Variants in WDPCP observed in about 807,000 individuals in gnomAD.
The protein encoded by WDPCP is WD repeat containing planar cell polarity effector.
Under a neutral mutation model 93.1 loss-of-function variants are expected in WDPCP, and 71 were observed. The observed-to-expected ratio is 0.76, with a 90% CI of 0.63 to 0.93. WDPCP has a LOEUF of 0.93. Among genes scored for constraint, WDPCP ranks in the 40% least tolerant of loss-of-function variants. WDPCP has a pLI of 0.00. For synonymous variants in WDPCP, 315 were observed against 315.0 expected (o/e 1.00, Z 0.00); for missense variants, 844 against 887.4 (o/e 0.95, Z 0.62).
rs1254472094 is a variant in WDPCP at position 63,338,560 on chromosome 2, AAAAAAAAAAATAT to A, written c.1749-25262_1749-25250del. Among the ~76,000 whole-genome samples, 282 of 60,806 alleles carry A rather than the reference AAAAAAAAAAATAT, an allele frequency of 4.6e-3. 12 individuals carry two copies. The highest frequency in any genetic ancestry group is 0.021 in the African/African-American group (273 of 12,806). The allele number at this position is 60,806 out of a possible 152,430, so 39.9% of individuals were successfully genotyped here. On this transcript the variant is annotated intron_variant, in intron 12 of 17. Coordinates refer to ENST00000272321, the MANE Select transcript of WDPCP (RefSeq NM_015910.7). ...AGAGCAAAACTCCATCTAAAAAAAA[AAAAAAAAAAATAT>A]ATATATATATATATATATATATATA...
intron 15 of WDPCP, among the ~76,000 whole-genome samples, chr2:63,172,536 G>A (rs1016171891): frequency 1.1e-4 from 16 of 149,902 alleles, no homozygotes; most frequent in African/African-American, 3.9e-4. Flanking sequence ...ATAATAAAGA[G>A]GTAGGACTTC....
intron 13 of WDPCP, among the ~76,000 whole-genome samples, chr2:63,275,062 C>A (rs1682975927): frequency 6.6e-6 from 1 of 152,098 alleles, no homozygotes. Context: ...AAATCCTCAA[C>A]AAAATACTAG....
chr2:63,400,553 A>G (rs1468815883), intron 10 of WDPCP, among the ~76,000 whole-genome samples: 2 of 152,216 alleles, frequency 1.3e-5, no homozygotes, highest in Admixed American at 1.3e-4. Flanking sequence ...AACCCGTTAA[A>G]AAGTAGGCAA....
Position 63,761,868 on chromosome 2 carries a change from A to C in WDPCP, n.308+51754T>G, listed in dbSNP as rs553170448. Among the ~76,000 whole-genome samples, 7 of 152,258 alleles carry C rather than the reference A, an allele frequency of 4.6e-5. No individual in the cohort carries two copies. In the East Asian group the frequency reaches 1.3e-3, roughly 29 times the overall value. On this transcript the variant is annotated intron_variant and non_coding_transcript_variant, in intron 2 of 4. Transcript: ENST00000467687. ...GTTGACATTCAGTATTAACCATCACATATATGTTGTCCCCATTACTGGTGG... is the reference window on the plus strand; with the variant it reads ...GTTGACATTCAGTATTAACCATCACCTATATGTTGTCCCCATTACTGGTGG...
chr2:63,562,681 T>G (rs932652014), intron 1 of WDPCP, among the ~76,000 whole-genome samples: 1 of 152,260 alleles, frequency 6.6e-6, no homozygotes, highest in African/African-American at 2.4e-5. Context: ...GGTATTATAC[T>G]GTAAGGTAGA....
At chr2:63,418,933 A>C (rs1435394865) in intron 9 of WDPCP, among the ~76,000 whole-genome samples, 1 of 152,214 alleles carries the variant, frequency 6.6e-6, no homozygotes, top group South Asian at 2.1e-4. Flanking sequence ...AGACTGTTAC[A>C]CAAGAAACGG....
At chr2:63,457,918 G>A (rs1698740685) in intron 6 of WDPCP, among the ~76,000 whole-genome samples, 1 of 152,076 alleles carries the variant, frequency 6.6e-6, no homozygotes, top group African/African-American at 2.4e-5. Context: ...GAGGTCAAGA[G>A]ATCAAGACCA....
intron 9 of WDPCP, among the ~76,000 whole-genome samples, chr2:63,418,177 A>G (rs558414081): frequency 1.3e-5 from 2 of 152,324 alleles, no homozygotes; most frequent in African/African-American, 4.8e-5. Flanking sequence ...CCAGACTTTT[A>G]AAAATCCAAA....
intron 2 of WDPCP, among the ~76,000 whole-genome samples, chr2:63,806,361 G>C (rs1172599157): frequency 1.3e-5 from 2 of 152,044 alleles, no homozygotes; most frequent in Non-Finnish European, 2.9e-5. Flanking sequence ...AGGGGAGGGA[G>C]TGTGCGAATA....
At chr2:63,826,851 T>C (rs1390335078) in intron 1 of WDPCP, among the ~76,000 whole-genome samples, 1 of 152,204 alleles carries the variant, frequency 6.6e-6, no homozygotes, top group East Asian at 1.9e-4. Flanking sequence ...GTTCTAATTT[T>C]GAAGTTCTCT....
chr2:63,484,529 C>T (rs1405737488), intron 6 of WDPCP, 75 bp downstream of exon 6: 9 of 1,571,944 alleles, frequency 5.7e-6, no homozygotes, highest in African/African-American at 1.4e-5. Flanking sequence ...CCTAACATAA[C>T]ACAAGAATAC....
intron 14 of WDPCP, among the ~76,000 whole-genome samples, chr2:63,188,986 T>C (rs1328308760): frequency 2.0e-5 from 3 of 152,200 alleles, no homozygotes; most frequent in Non-Finnish European, 4.4e-5. Flanking sequence ...CTAAGACCTC[T>C]CAGATTTTTC....
chr2:63,248,044 T>C (rs1442761675), intron 14 of WDPCP, among the ~76,000 whole-genome samples: 2 of 152,272 alleles, frequency 1.3e-5, no homozygotes, highest in Admixed American at 6.5e-5. Flanking sequence ...TTATAAAGCA[T>C]TGTCACTTCC....
intron 12 of WDPCP, among the ~76,000 whole-genome samples, chr2:63,328,643 A>G (rs1296356822): frequency 6.6e-6 from 1 of 152,242 alleles, no homozygotes; most frequent in Non-Finnish European, 1.5e-5. Context: ...AGTGAGACCA[A>G]GAACCCACCA....
intron 13 of WDPCP, among the ~76,000 whole-genome samples, chr2:63,291,083 T>C (rs1684384882): frequency 6.6e-6 from 1 of 152,242 alleles, no homozygotes; most frequent in Admixed American, 6.5e-5. Context: ...TTAGACTGGA[T>C]ACTTTATACT....
intron 12 of WDPCP, among the ~76,000 whole-genome samples, chr2:63,338,035 A>AG (rs1688516087): frequency 6.6e-6 from 1 of 152,244 alleles, no homozygotes; most frequent in Admixed American, 6.5e-5. Flanking sequence ...TGTTTTGGTT[A>AG]CCTGTGCTTT....
intron 6 of WDPCP, among the ~76,000 whole-genome samples, chr2:63,482,779 G>C (rs1014027892): frequency 3.9e-4 from 59 of 151,840 alleles, no homozygotes; most frequent in African/African-American, 1.4e-3. Context: ...AATGTGCTGA[G>C]AGTATAAGGT....
intron 2 of WDPCP, among the ~76,000 whole-genome samples, chr2:63,804,593 C>T (rs1670737329): frequency 1.3e-5 from 2 of 151,492 alleles, no homozygotes. Flanking sequence ...TGTCCTTCTC[C>T]TTGCTGCAAG....
chr2:63,578,996 T>C (rs1170267623), intron 1 of WDPCP, among the ~76,000 whole-genome samples: 1 of 152,174 alleles, frequency 6.6e-6, no homozygotes, highest in Non-Finnish European at 1.5e-5. Context: ...TTGTCTCTTA[T>C]TATCATGCAT....
Sources: allele counts gnomAD v4.1 joint callset (sites outside exome capture counted in the v4.1 genomes callset), GRCh38; gene constraint gnomAD v4.1.1; transcripts MANE v1.5; gene names NCBI Gene and HGNC (gene_info 2026-07-23, HGNC 2026-07-21).